Variants in DCC observed in about 807,000 individuals in gnomAD.
The protein encoded by DCC is DCC netrin 1 receptor.
In DCC, 58 loss-of-function variants were observed where a neutral mutation model predicts 172.5. That is an observed-to-expected ratio of 0.34 (90% CI 0.27 to 0.42). The LOEUF is 0.42. DCC is among the 10% of genes least tolerant of loss of function. DCC has a pLI of 1.00. For synonymous variants in DCC, 709 were observed against 644.5 expected, an observed-to-expected ratio of 1.10 and a Z score of -1.52; for missense variants, 1,740 against 1,791.0, an observed-to-expected ratio of 0.97 and a Z score of 0.51.
chr18:53,039,247 G>A (rs1599055773), intron 5 of DCC, among the ~76,000 whole-genome samples: 1 of 152,110 alleles, frequency 6.6e-6, no homozygotes, highest in East Asian at 1.9e-4. Context: ...ACAATGCCAA[G>A]ATTATGCAGT....
chr18:53,110,470 C>T (rs1343983988), intron 7 of DCC, among the ~76,000 whole-genome samples: 1 of 151,578 alleles, frequency 6.6e-6, no homozygotes, highest in Non-Finnish European at 1.5e-5. Context: ...GGGCTTTTGC[C>T]ACTTTGGTCT....
At chr18:53,240,901 CTTG>C (rs1191799239) in intron 12 of DCC, among the ~76,000 whole-genome samples, 10 of 151,980 alleles carry the variant, frequency 6.6e-5, no homozygotes, top group Admixed American at 2.6e-4. Flanking sequence ...TTTAGAGAGT[CTTG>C]TTGTACTGTT....
At chr18:53,108,890 G>A (rs2043289503) in intron 7 of DCC, among the ~76,000 whole-genome samples, 1 of 151,306 alleles carries the variant, frequency 6.6e-6, no homozygotes, top group African/African-American at 2.4e-5. Context: ...AACATGCTTG[G>A]ACATGGCTTT....
intron 8 of DCC, among the ~76,000 whole-genome samples, chr18:53,178,039 A>C (rs988779475): frequency 6.6e-6 from 1 of 152,214 alleles, no homozygotes; most frequent in Admixed American, 6.6e-5. Context: ...GAAGCAAGAG[A>C]TATTATCTAG....
intron 1 of DCC, among the ~76,000 whole-genome samples, chr18:52,640,920 C>T (rs1163457566): frequency 6.6e-6 from 1 of 152,144 alleles, no homozygotes; most frequent in East Asian, 1.9e-4. Context: ...CAACACTAAA[C>T]AAAAAGAACA....
chr18:52,589,229 G>A (rs2033745194), intron 1 of DCC, among the ~76,000 whole-genome samples: 1 of 152,164 alleles, frequency 6.6e-6, no homozygotes, highest in Admixed American at 6.5e-5. Flanking sequence ...CAAATGTCTT[G>A]CAAATATATG....
chr18:52,839,231 A>T (rs146399810), intron 2 of DCC, among the ~76,000 whole-genome samples: 1 of 152,286 alleles, frequency 6.6e-6, no homozygotes, highest in Non-Finnish European at 1.5e-5. Flanking sequence ...TTGACACAGA[A>T]GTTTTCTATT....
chr18:52,686,104 A>G (rs2035829547), intron 1 of DCC, among the ~76,000 whole-genome samples: 1 of 152,050 alleles, frequency 6.6e-6, no homozygotes, highest in Non-Finnish European at 1.5e-5. Flanking sequence ...TATTCCTCAA[A>G]TCTTAGGAAT....
intron 1 of DCC, among the ~76,000 whole-genome samples, chr18:52,602,722 C>T (rs1457602236): frequency 4.0e-5 from 6 of 151,722 alleles, no homozygotes; most frequent in Non-Finnish European, 8.8e-5. Context: ...CTCTAGCAAA[C>T]GAGATTTAAC....
At chr18:53,002,724 T>C (rs961249616) in intron 5 of DCC, among the ~76,000 whole-genome samples, 1 of 152,170 alleles carries the variant, frequency 6.6e-6, no homozygotes, top group African/African-American at 2.4e-5. Context: ...TTGTTACATA[T>C]GTATACATGT....
chr18:52,875,638 TTAG>T (rs1311856635), intron 2 of DCC, among the ~76,000 whole-genome samples: 2 of 152,226 alleles, frequency 1.3e-5, no homozygotes, highest in African/African-American at 2.4e-5. Context: ...TTATTTGCAA[TTAG>T]TAGTAAAGAA....
chr18:53,489,852 G>A (rs2045941406), intron 26 of DCC, among the ~76,000 whole-genome samples: 1 of 152,124 alleles, frequency 6.6e-6, no homozygotes, highest in African/African-American at 2.4e-5. Context: ...TTCTTAATAA[G>A]TAACTGCAGT....
intron 1 of DCC, among the ~76,000 whole-genome samples, chr18:52,370,975 G>C (rs546283735): frequency 1.3e-4 from 20 of 152,270 alleles, no homozygotes; most frequent in African/African-American, 4.1e-4. Context: ...TAAATACAGA[G>C]AGCATGCTAG....
intron 1 of DCC, among the ~76,000 whole-genome samples, chr18:52,379,361 C>T (rs1163699208): frequency 2.6e-5 from 4 of 152,026 alleles, no homozygotes; most frequent in African/African-American, 9.7e-5. Context: ...AATCCAGGCT[C>T]TTCTGCTTAT....
chr18:53,194,597 G>A (rs2055416663), intron 9 of DCC, among the ~76,000 whole-genome samples: 1 of 152,096 alleles, frequency 6.6e-6, no homozygotes, highest in Admixed American at 6.5e-5. Context: ...AGCCTCCCAA[G>A]TAGCTGAGAT....
chr18:52,914,352 CTAACTA>C (rs2145466536), intron 3 of DCC, among the ~76,000 whole-genome samples: 1 of 152,114 alleles, frequency 6.6e-6, no homozygotes, highest in African/African-American at 2.4e-5. Context: ...CCGCCAGACT[CTAACTA>C]GAAATAGCAA....
intron 1 of DCC, among the ~76,000 whole-genome samples, chr18:52,629,752 C>T (rs1372602397): frequency 2.0e-5 from 3 of 151,892 alleles, no homozygotes; most frequent in Admixed American, 6.6e-5. Flanking sequence ...CGATCGAGAC[C>T]ATCCTGACTA....
intron 26 of DCC, among the ~76,000 whole-genome samples, chr18:53,494,861 T>C (rs2046000962): frequency 6.6e-6 from 1 of 152,212 alleles, no homozygotes; most frequent in African/African-American, 2.4e-5. Context: ...TAGCTGGTTA[T>C]TTTGCCTGTT....
chr18:52,538,723 C>A (rs2047310537), intron 1 of DCC, among the ~76,000 whole-genome samples: 1 of 152,150 alleles, frequency 6.6e-6, no homozygotes. Context: ...CAGTGTCCTG[C>A]TTTTCTTAAT....
Sources: allele counts gnomAD v4.1 joint callset (sites outside exome capture counted in the v4.1 genomes callset), GRCh38; gene constraint gnomAD v4.1.1; transcripts MANE v1.5; gene names NCBI Gene and HGNC (gene_info 2026-07-23, HGNC 2026-07-21).